SGCD: variants seen among roughly 807,000 people sequenced by gnomAD.
SGCD encodes sarcoglycan delta.
Under a neutral mutation model 36.6 loss-of-function variants are expected in SGCD, and 18 were observed. That is an observed-to-expected ratio of 0.49 (90% confidence interval 0.34 to 0.73). The LOEUF is 0.73. SGCD is among the 30% of genes least tolerant of loss of function. The pLI is 0.01. For synonymous variants in SGCD, 133 were observed against 130.6 expected (o/e 1.02, Z -0.12); for missense variants, 387 against 346.7 (o/e 1.12, Z -0.92).
intron 6 of SGCD, among the ~76,000 whole-genome samples, chr5:156,610,134 T>G (rs906631884): frequency 7.2e-6 from 1 of 139,820 alleles, no homozygotes; most frequent in Non-Finnish European, 1.5e-5. Flanking sequence ...ATTTTTAGAG[T>G]TTCCGGTTTT....
chr5:156,747,702 C>T (rs892278077), intron 7 of SGCD, among the ~76,000 whole-genome samples: 2 of 152,072 alleles, frequency 1.3e-5, no homozygotes, highest in African/African-American at 4.8e-5. Flanking sequence ...TAAGTGATAT[C>T]CCACTAATTT....
At chr5:156,316,763 A>G (rs538406629) in intron 3 of SGCD, among the ~76,000 whole-genome samples, 1 of 152,168 alleles carries the variant, frequency 6.6e-6, no homozygotes, top group Non-Finnish European at 1.5e-5. Context: ...ATCCTGTGAG[A>G]GATGGGAACT....
chr5:156,098,383 A>T (rs567397582), intron 1 of SGCD, among the ~76,000 whole-genome samples: 1 of 152,198 alleles, frequency 6.6e-6, no homozygotes, highest in Non-Finnish European at 1.5e-5. Flanking sequence ...GAAATTTCTC[A>T]AAAGTTACTT....
intron 1 of SGCD, among the ~76,000 whole-genome samples, chr5:155,903,067 G>A (rs1454454614): frequency 6.6e-6 from 1 of 152,188 alleles, no homozygotes; most frequent in East Asian, 1.9e-4. Flanking sequence ...ATGCAAATGA[G>A]AATTTTTCTT....
chr5:156,345,635 G>C (rs77723382), intron 3 of SGCD, among the ~76,000 whole-genome samples: 4,100 of 152,178 alleles, frequency 0.027, 75 homozygotes, highest in African/African-American at 0.048. Flanking sequence ...AGATCAGCCT[G>C]GGAAACATAG....
chr5:155,904,675 GCCT>G (rs1346320093), intron 1 of SGCD, among the ~76,000 whole-genome samples: 1 of 152,084 alleles, frequency 6.6e-6, no homozygotes, highest in Non-Finnish European at 1.5e-5. Flanking sequence ...ACAGATATAT[GCCT>G]GTTGACACTG....
At chr5:156,232,928 A>G (rs1765056879) in intron 3 of SGCD, among the ~76,000 whole-genome samples, 1 of 152,198 alleles carries the variant, frequency 6.6e-6, no homozygotes, top group Admixed American at 6.5e-5. Flanking sequence ...TTTCCTTTTT[A>G]TGTACACAAA....
chr5:155,831,789 C>A, the SGCD span, among the ~76,000 whole-genome samples: 4 of 152,082 alleles, frequency 2.6e-5, no homozygotes, highest in African/African-American at 9.7e-5. Context: ...GTAGGGAGAG[C>A]GGATATGAGT....
At chr5:156,742,065 C>T (rs776396248) in intron 7 of SGCD, among the ~76,000 whole-genome samples, 38 of 152,000 alleles carry the variant, frequency 2.5e-4, no homozygotes, top group Non-Finnish European at 4.3e-4. Context: ...TTAGTAGAGA[C>T]GGGGTTTCAC....
chr5:155,864,517 T>C, the SGCD span, among the ~76,000 whole-genome samples: 1 of 152,222 alleles, frequency 6.6e-6, no homozygotes, highest in Non-Finnish European at 1.5e-5. Flanking sequence ...AAAGGAGGGC[T>C]AGGTTATTGA....
In SGCD at chr5:155,928,420, C is replaced by A. The variant is rs1392260988; in HGVS notation, c.-282+57996C>A. On this transcript the variant is annotated intron_variant, in intron 1 of 9. Coordinates refer to the SGCD transcript ENST00000517913. ...TGGTGCCTCATGCCTATAATCCCAA[C>A]ACTTTGGGAGGCCAGGGTGGGTGGA... 2.0e-5 allele frequency among the ~76,000 whole-genome samples: 3 copies of A among 152,150 alleles called. No individual in the cohort carries two copies. The East Asian group carries it at 5.8e-4, about 29-fold the overall frequency.
intron 1 of SGCD, among the ~76,000 whole-genome samples, chr5:155,938,325 C>A (rs1024753144): frequency 6.6e-6 from 1 of 152,090 alleles, no homozygotes; most frequent in Non-Finnish European, 1.5e-5. Context: ...GGGGTCTGCC[C>A]CAGGATAAGA....
intron 7 of SGCD, among the ~76,000 whole-genome samples, chr5:156,656,898 T>C (rs914707448): frequency 6.6e-6 from 1 of 152,030 alleles, no homozygotes; most frequent in East Asian, 2.0e-4. Context: ...TTTCTTTTTG[T>C]TGTTGTTGTT....
intron 7 of SGCD, among the ~76,000 whole-genome samples, chr5:156,721,714 G>T (rs1755513773): frequency 6.6e-6 from 1 of 152,176 alleles, no homozygotes; most frequent in Non-Finnish European, 1.5e-5. Flanking sequence ...GTGGGGAAGA[G>T]AAGACCCAGA....
intron 3 of SGCD, among the ~76,000 whole-genome samples, chr5:156,447,791 A>G (rs1398490289): frequency 6.6e-6 from 1 of 152,154 alleles, no homozygotes; most frequent in African/African-American, 2.4e-5. Flanking sequence ...CATCCTGCAC[A>G]TGTATCCCAG....
At chr5:156,600,427 T>G (rs1761144970) in intron 6 of SGCD, among the ~76,000 whole-genome samples, 1 of 152,240 alleles carries the variant, frequency 6.6e-6, no homozygotes. Flanking sequence ...TATTTTTCTT[T>G]GTATGTCTGG....
the SGCD span, among the ~76,000 whole-genome samples, chr5:155,862,175 A>T: frequency 3.3e-5 from 5 of 152,298 alleles, no homozygotes; most frequent in Non-Finnish European, 4.4e-5. Flanking sequence ...CACCCTATGT[A>T]AGCCTTCACT....
chr5:155,859,020 T>C, the SGCD span, among the ~76,000 whole-genome samples: 1,510 of 152,040 alleles, frequency 9.9e-3, 5 homozygotes, highest in Non-Finnish European at 0.014. Context: ...TTACATATTT[T>C]CTACTGTTAT....
intron 1 of SGCD, among the ~76,000 whole-genome samples, chr5:156,038,488 G>T (rs1759554659): frequency 6.6e-6 from 1 of 152,032 alleles, no homozygotes; most frequent in East Asian, 1.9e-4. Context: ...GGCTATATAA[G>T]ATGTTGATCT....
Sources: allele counts gnomAD v4.1 joint callset (sites outside exome capture counted in the v4.1 genomes callset), GRCh38; gene constraint gnomAD v4.1.1; transcripts MANE v1.5; gene names NCBI Gene and HGNC (gene_info 2026-07-23, HGNC 2026-07-21).